Variants in SEPTIN7 observed in about 807,000 individuals in gnomAD.
SEPTIN7 encodes the protein septin 7.
In SEPTIN7, 10 loss-of-function variants were observed where a neutral mutation model predicts 63.3. The observed-to-expected ratio is 0.16, with a 90% CI of 0.10 to 0.27. SEPTIN7 has a LOEUF of 0.27. SEPTIN7 is among the 10% of genes least tolerant of loss of function. The pLI is 1.00. For synonymous variants in SEPTIN7, 131 were observed against 165.3 expected (o/e 0.79, Z 1.59); for missense variants, 310 against 521.0 (o/e 0.59, Z 3.94).
intron 3 of SEPTIN7, among the ~76,000 whole-genome samples, chr7:35,854,610 GTGCCTGA>G (rs1400401584): frequency 6.6e-6 from 1 of 152,204 alleles, no homozygotes; most frequent in Non-Finnish European, 1.5e-5. Context: ...GCAGCAACCT[GTGCCTGA>G]TGCCTGCCTC....
At chr7:35,864,664 G>GCTA (rs35162728) in intron 4 of SEPTIN7, among the ~76,000 whole-genome samples, 64,024 of 151,682 alleles carry the variant, frequency 0.42, 13,907 homozygotes, top group African/African-American at 0.52. Context: ...TTTAAAAGTG[G>GCTA]CTAAGAAAAT....
At chr7:35,811,306 T>C (rs1208508263) in intron 1 of SEPTIN7, among the ~76,000 whole-genome samples, 1 of 152,182 alleles carries the variant, frequency 6.6e-6, no homozygotes, top group Non-Finnish European at 1.5e-5. Flanking sequence ...TTCCAGAAAC[T>C]AATGTTCTCT....
chr7:35,831,119 C>G (rs1783813747), intron 1 of SEPTIN7, among the ~76,000 whole-genome samples: 1 of 152,128 alleles, frequency 6.6e-6, no homozygotes, highest in South Asian at 2.1e-4. Flanking sequence ...ACTTTTGTAT[C>G]TTTTCTACCA....
chr7:35,857,201 C>T (rs1785256987), intron 3 of SEPTIN7, among the ~76,000 whole-genome samples: 1 of 152,138 alleles, frequency 6.6e-6, no homozygotes, highest in Non-Finnish European at 1.5e-5. Context: ...AAGAAAACTA[C>T]AACTAACAGA....
chr7:35,802,623 CT>C (rs1483484212), intron 1 of SEPTIN7, among the ~76,000 whole-genome samples: 9 of 152,184 alleles, frequency 5.9e-5, no homozygotes, highest in Non-Finnish European at 1.2e-4. Flanking sequence ...GTTTTTCCCC[CT>C]AAAGTTTATG....
intron 10 of SEPTIN7, 194 bp from the exon 11 acceptor site, chr7:35,890,474 A>G (rs1787563322): frequency 2.9e-6 from 1 of 346,562 alleles, no homozygotes; most frequent in South Asian, 1.1e-4. Flanking sequence ...GTGTCAAGTT[A>G]GCTTATTTTT....
chr7:35,876,109 A>G (rs555439397), intron 6 of SEPTIN7, among the ~76,000 whole-genome samples: 7 of 152,268 alleles, frequency 4.6e-5, no homozygotes, highest in Admixed American at 2.6e-4. Flanking sequence ...TTTAATTTTT[A>G]AACTGACTTA....
chr7:35,824,728 G>A (rs1783414108), intron 1 of SEPTIN7, among the ~76,000 whole-genome samples: 1 of 152,062 alleles, frequency 6.6e-6, no homozygotes, highest in African/African-American at 2.4e-5. Flanking sequence ...TTGTCCAATA[G>A]CAATTTGATG....
chr7:35,849,284 G>A (rs1249254967), intron 3 of SEPTIN7, among the ~76,000 whole-genome samples: 1 of 152,178 alleles, frequency 6.6e-6, no homozygotes, highest in African/African-American at 2.4e-5. Flanking sequence ...TTTCGTGGAA[G>A]ACAATTTTTC....
intron 6 of SEPTIN7, among the ~76,000 whole-genome samples, chr7:35,875,090 T>A (rs1786391542): frequency 6.6e-6 from 1 of 152,172 alleles, no homozygotes; most frequent in African/African-American, 2.4e-5. Context: ...AGTTTAGTAA[T>A]TCTCATGAAG....
At chr7:35,830,256 G>GT in intron 1 of SEPTIN7, among the ~76,000 whole-genome samples, 1 of 152,138 alleles carries the variant, frequency 6.6e-6, no homozygotes, top group Non-Finnish European at 1.5e-5. Context: ...TGCACTGTAT[G>GT]TTTGGGGGGT....
rs962408725 is a variant in SEPTIN7, at chr7:35,887,713, A to G, written c.872+1834A>G. On this transcript the variant is annotated intron_variant, in intron 10 of 13. Transcript: ENST00000350320. ...GCGGCTAGTGAGGGACCTCCCTAGT[A>G]TAAGCATTACAGAGCAAATTGACCA... 1.9e-4 allele frequency among the ~76,000 whole-genome samples: 29 copies of G among 152,368 alleles called. 1 individual carries two copies. The highest frequency in any genetic ancestry group is 5.3e-4 in the African/African-American group (22 of 41,590).
At chr7:35,908,593 C>T (rs917523086), downstream of SEPTIN7, among the ~76,000 whole-genome samples, 11 of 152,166 alleles carry the variant, frequency 7.2e-5, no homozygotes, top group Non-Finnish European at 1.3e-4. Context: ...GTAGCTGACA[C>T]CTCTGAGAGC....
intron 6 of SEPTIN7, among the ~76,000 whole-genome samples, chr7:35,876,901 G>A (rs1390633226): frequency 2.6e-5 from 4 of 151,988 alleles, no homozygotes; most frequent in Admixed American, 6.6e-5. Flanking sequence ...CCCGGGAGGC[G>A]GAGATTGCAG....
intron 4 of SEPTIN7, among the ~76,000 whole-genome samples, chr7:35,865,686 T>C (rs1438038618): frequency 6.6e-6 from 1 of 152,172 alleles, no homozygotes; most frequent in Non-Finnish European, 1.5e-5. Flanking sequence ...GAACATGTCT[T>C]TTGTACTCAT....
intron 1 of SEPTIN7, among the ~76,000 whole-genome samples, chr7:35,802,875 G>A (rs1583471936): frequency 6.6e-6 from 1 of 152,204 alleles, no homozygotes; most frequent in Admixed American, 6.5e-5. Context: ...CAGCTGTTCA[G>A]TGGGTGGGAC....
At chr7:35,886,903 TTAAA>T (rs1420197818) in intron 10 of SEPTIN7, among the ~76,000 whole-genome samples, 1 of 152,208 alleles carries the variant, frequency 6.6e-6, no homozygotes, top group African/African-American at 2.4e-5. Flanking sequence ...AATTTTGAAA[TTAAA>T]TAAATGGCAT....
chr7:35,830,137 C>T (rs1456708997), intron 1 of SEPTIN7, among the ~76,000 whole-genome samples: 1 of 151,366 alleles, frequency 6.6e-6, no homozygotes, highest in Admixed American at 6.6e-5. Context: ...GAGCCGAGAT[C>T]GCGCCACTGC....
downstream of SEPTIN7, among the ~76,000 whole-genome samples, chr7:35,909,066 G>A (rs4723450): frequency 0.48 from 72,928 of 152,010 alleles, 20,659 homozygotes; most frequent in Non-Finnish European, 0.61. Flanking sequence ...AATGTGAGCT[G>A]TTTTCCCTGC....
Sources: gnomAD v4.1 joint callset for allele counts (sites outside exome capture counted in the v4.1 genomes callset) on GRCh38, gnomAD v4.1.1 for gene constraint, MANE v1.5 for transcripts, NCBI Gene and HGNC (gene_info 2026-07-23, HGNC 2026-07-21) for gene names.